The following ZNF385A variants were observed in gnomAD, a reference collection of about 807,000 sequenced individuals.
The protein encoded by ZNF385A is hematopoietic zinc finger protein.
Under a neutral mutation model 32.1 loss-of-function variants are expected in ZNF385A, and 14 were observed. The observed-to-expected ratio is 0.44, with a 90% CI of 0.29 to 0.68. The LOEUF (loss-of-function observed/expected upper bound fraction) is 0.68. Ranked by LOEUF, ZNF385A falls within the 30% of genes least tolerant of loss-of-function variation. ZNF385A has a pLI of 0.14. For synonymous variants in ZNF385A, 197 were observed against 202.7 expected (o/e 0.97, Z 0.24); for missense variants, 406 against 478.4 (o/e 0.85, Z 1.41).
intron 1 of ZNF385A, among the ~76,000 whole-genome samples, chr12:54,379,469 G>A (rs1955028495): frequency 1.3e-5 from 2 of 152,090 alleles, no homozygotes; most frequent in Admixed American, 1.3e-4. Context: ...TGGGTCCAGG[G>A]TCCCCACCAA....
Position 54,375,825 on chromosome 12 carries a change from G to A in ZNF385A, c.198+19C>T. ...CCCCTGCCCCACCCACTGGGTAGATGAGCAGCTTGGCTTCTTACCTGAGAA... is the reference window on the plus strand; with the variant it reads ...CCCCTGCCCCACCCACTGGGTAGATAAGCAGCTTGGCTTCTTACCTGAGAA... On this transcript the variant is annotated intron_variant, in intron 2 of 6. Transcript: ENST00000394313. 3 of 1,610,224 alleles carry A rather than the reference G, an allele frequency of 1.9e-6. No individual in the cohort carries two copies. Among genetic ancestry groups the A allele is most frequent in the Non-Finnish European group, 1.7e-6 (2 of 1,176,576 alleles).
At position 54,370,618 on chromosome 12, in the gene ZNF385A, G is replaced by T. The variant is rs1307791431; in HGVS notation, c.870+8C>A. On this transcript the variant is annotated splice_region_variant and intron_variant, in intron 6 of 6. Coordinates refer to ENST00000394313, the MANE Select transcript of ZNF385A (RefSeq NM_015481.3). The surrounding 1 kb of genome is among the most constrained non-coding windows in gnomAD (Gnocchi z 5.5). ...CCCACTGCTGAATTCCCAGCATCCA[G>T]GCCTCACCGCCAGCTCCCCGGCGCC... is the stretch of plus-strand genomic sequence containing the variant. The T allele has an allele frequency of 1.3e-6, 2 of 1,594,394 alleles. No individual in the cohort carries two copies. The highest frequency in any genetic ancestry group is 1.7e-5 in the Admixed American group (1 of 57,456).
At chr12:54,387,076 T>G (rs947109649), upstream of ZNF385A, among the ~76,000 whole-genome samples, 1 of 152,222 alleles carries the variant, frequency 6.6e-6, no homozygotes. Flanking sequence ...CCAAAGGGCT[T>G]GAATTTAACT....
rs928256971 is a variant in ZNF385A, at chr12:54,371,612, C to T, written c.465G>A (p.Lys155=). 3.1e-6 allele frequency: 5 copies of T among 1,613,184 alleles called. No individual in the cohort carries two copies. Among genetic ancestry groups the T allele is most frequent in the Non-Finnish European group, 4.2e-6 (5 of 1,179,664 alleles). Residue 155 remains lysine, a synonymous_variant, in exon 4 of 7, where the codon AAG becomes AAA. Transcript: ENST00000394313. Reference sequence around the variant, plus strand: ...CCGGGGCTGGAGTCCCCCCTTCACCCTTGGTTACACCCTGACCAGTCTCCG... The same window carrying T: ...CCGGGGCTGGAGTCCCCCCTTCACCTTTGGTTACACCCTGACCAGTCTCCG... The part of the protein sequence containing the change: ...SIPETGQGVT[K]GEGGTPAPAS...
At position 54,370,138 on chromosome 12, in the gene ZNF385A, G is replaced by A. The variant is rs563351038; in HGVS notation, c.*118C>T. ...TTCCTGGAACCCCGTATCTCGGGGT[G>A]GGGGGGGGGAAGGAGAGATCATTTA... is the stretch of plus-strand genomic sequence containing the variant. On this transcript the variant is annotated 3_prime_UTR_variant, in exon 7 of 7. Transcript: ENST00000394313. This position sits in a 1 kb window ranked among gnomAD's most constrained non-coding sequence, Gnocchi z 5.5. 2.9e-3 allele frequency: 1,198 copies of A among 416,346 alleles called. 4 individuals carry two copies. The highest frequency in any genetic ancestry group is 9.2e-3 in the Middle Eastern group (10 of 1,090). The allele number at this position is 416,346 out of a possible 1,614,324, so 25.8% of individuals were successfully genotyped here. A position where few individuals can be genotyped will look rare whatever the true frequency, so the allele number is the denominator to read the frequency against.
chr12:54,375,203 A>G (rs1349672161), intron 2 of ZNF385A, among the ~76,000 whole-genome samples: 2 of 152,138 alleles, frequency 1.3e-5, no homozygotes, highest in Admixed American at 1.3e-4. Context: ...AGTCCCCTCT[A>G]GAGCCACACA....
rs1219067573 is a variant in ZNF385A at position 54,370,456 on chromosome 12, T to C, written c.901A>G (p.Lys301Glu). 1.3e-6 allele frequency: 2 copies of C among 1,551,000 alleles called. No homozygotes were observed. The highest frequency in any genetic ancestry group is 2.0e-5 in the Admixed American group (1 of 50,946). ...GGGAGCAGGCCGCCCGCCAGGGACT[T>C]GGGCAGCTCCTTGGAGAAAGTCAGC... ...GTLTFSKELP[K>E]SLAGGLLPSP... Residue 301 changes from lysine (K) to glutamate (E), a missense_variant, in exon 7 of 7, where the codon AAG becomes GAG. Lys to Glu is a moderately conservative substitution (Grantham distance 56). Coordinates refer to ENST00000394313, the MANE Select transcript of ZNF385A (RefSeq NM_015481.3). The surrounding 1 kb of genome is among the most constrained non-coding windows in gnomAD (Gnocchi z 5.5).
upstream of ZNF385A, among the ~76,000 whole-genome samples, chr12:54,386,732 T>C (rs1475262508): frequency 6.6e-6 from 1 of 152,166 alleles, no homozygotes; most frequent in African/African-American, 2.4e-5. Flanking sequence ...ACCCTTTCCC[T>C]GGTTCTAGAT....
chr12:54,387,279 G>T (rs1377772770), upstream of ZNF385A, among the ~76,000 whole-genome samples: 1 of 152,154 alleles, frequency 6.6e-6, no homozygotes, highest in Non-Finnish European at 1.5e-5. Context: ...GGGTGAGCGG[G>T]GGAGGGGAGG....
chr12:54,369,974 G>A lies in ZNF385A; in HGVS notation c.*282C>T, dbSNP rs994579712. 2 of 357,814 alleles carry A rather than the reference G, an allele frequency of 5.6e-6. No individual in the cohort carries two copies. The highest frequency in any genetic ancestry group is 1.0e-5 in the Non-Finnish European group (2 of 198,636). The allele number at this position is 357,814 out of a possible 1,614,324, so 22.2% of individuals were successfully genotyped here. On this transcript the variant is annotated 3_prime_UTR_variant, in exon 7 of 7. Transcript: ENST00000394313. ...GCTGGATGGACATGGCTTTTGGGAG[G>A]GGGGGTGTCTCCAAGGGGGCTCGGG...
At position 54,382,799 on chromosome 12, in the gene ZNF385A, C is replaced by T. The variant is rs143416716; in HGVS notation, c.87+1629G>A. 1.6e-3 allele frequency among the ~76,000 whole-genome samples: 248 copies of T among 152,052 alleles called. 4 individuals are homozygous for T. In the East Asian group the frequency reaches 0.031, roughly 19 times the overall value. On this transcript the variant is annotated intron_variant, in intron 1 of 6. Coordinates refer to ENST00000394313, the MANE Select transcript of ZNF385A (RefSeq NM_015481.3). ...AACTATCTGTAGAACATTTTGGGCT[C>T]AATGTCCTACTGGTATGCCAAATCA...
intron 1 of ZNF385A, among the ~76,000 whole-genome samples, chr12:54,389,820 C>G (rs919573640): frequency 6.6e-5 from 10 of 152,040 alleles, no homozygotes; most frequent in Admixed American, 6.5e-5. Flanking sequence ...GTGGGTAATA[C>G]CTTCCCCTGC....
In ZNF385A at chr12:54,370,142, G is replaced by A. The variant is rs534737195; in HGVS notation, c.*114C>T. On this transcript the variant is annotated 3_prime_UTR_variant, in exon 7 of 7. Coordinates refer to ENST00000394313, the MANE Select transcript of ZNF385A (RefSeq NM_015481.3). This position sits in a 1 kb window ranked among gnomAD's most constrained non-coding sequence, Gnocchi z 5.5. ...TGGAACCCCGTATCTCGGGGTGGGG[G>A]GGGGGAAGGAGAGATCATTTAGGGA... is the stretch of plus-strand genomic sequence containing the variant. 22 of 794,946 alleles carry A rather than the reference G, an allele frequency of 2.8e-5. No homozygotes were observed. Among genetic ancestry groups the A allele is most frequent in the Admixed American group, 1.2e-4 (3 of 26,060 alleles). 49.2% of individuals were successfully genotyped at this position (794,946 alleles called of 1,614,324 possible).
intron 2 of ZNF385A, among the ~76,000 whole-genome samples, chr12:54,375,612 A>C (rs1190416797): frequency 6.6e-6 from 1 of 152,076 alleles, no homozygotes; most frequent in African/African-American, 2.4e-5. Context: ...TCAACTTTAG[A>C]GGACTGATCT....
At chr12:54,382,432 A>T (rs1436331186) in intron 1 of ZNF385A, among the ~76,000 whole-genome samples, 1 of 151,990 alleles carries the variant, frequency 6.6e-6, no homozygotes, top group Non-Finnish European at 1.5e-5. Flanking sequence ...ATTTGGGGGG[A>T]GCAGCTGTGG....
chr12:54,390,317 C>T (rs1333749831), intron 1 of ZNF385A, among the ~76,000 whole-genome samples: 1 of 152,042 alleles, frequency 6.6e-6, no homozygotes, highest in Non-Finnish European at 1.5e-5. Context: ...GAGTCCAGAG[C>T]ACAGCTAGGC....
intron 1 of ZNF385A, among the ~76,000 whole-genome samples, chr12:54,382,217 G>A (rs1009998307): frequency 1.3e-5 from 2 of 148,302 alleles, no homozygotes; most frequent in African/African-American, 2.5e-5. Flanking sequence ...ACAGGCGCCC[G>A]CCACCACGCC....
intron 1 of ZNF385A, among the ~76,000 whole-genome samples, chr12:54,380,559 C>T (rs762792983): frequency 6.6e-6 from 1 of 152,186 alleles, no homozygotes; most frequent in Non-Finnish European, 1.5e-5. Flanking sequence ...CAGCCCGCCA[C>T]ACTCTCTCCC....
chr12:54,375,792 C>G, intron 2 of ZNF385A, 52 bp downstream of exon 2: 1 of 1,529,260 alleles, frequency 6.5e-7, no homozygotes, highest in Non-Finnish European at 9.1e-7. Flanking sequence ...CCTCAAGTTC[C>G]CCTGCTGCCC....
Sources: allele counts gnomAD v4.1 joint callset (sites outside exome capture counted in the v4.1 genomes callset), GRCh38; gene constraint gnomAD v4.1.1; non-coding constraint Gnocchi (gnomAD v3.1); transcripts MANE v1.5; gene names NCBI Gene and HGNC (gene_info 2026-07-23, HGNC 2026-07-21).